SNX6: variants seen among roughly 807,000 people sequenced by gnomAD.
SNX6 encodes the protein sorting nexin-6.
In SNX6, 34 loss-of-function variants were observed where a neutral mutation model predicts 63.0. The observed-to-expected ratio is 0.54, with a 90% confidence interval of 0.41 to 0.72. The LOEUF is 0.72. SNX6 is among the 30% of genes least tolerant of loss of function. The pLI is 0.00. For missense variants in SNX6, 398 were observed against 471.4 expected (o/e 0.84, Z 1.44); for synonymous variants, 170 against 164.2 (o/e 1.04, Z -0.27).
At chr14:34,581,139 C>T (rs547321162) in intron 10 of SNX6, among the ~76,000 whole-genome samples, 1 of 152,094 alleles carries the variant, frequency 6.6e-6, no homozygotes, top group African/African-American at 2.4e-5. Context: ...AATCGCCAAA[C>T]GGTTAACAGT....
At chr14:34,602,602 A>G (rs1341769147) in intron 6 of SNX6, among the ~76,000 whole-genome samples, 3 of 151,550 alleles carry the variant, frequency 2.0e-5, no homozygotes, top group African/African-American at 7.3e-5. Flanking sequence ...AAAAAAAAAA[A>G]AAAAAGAAAA....
At chr14:34,594,027 CAT>C (rs1882506413) in intron 7 of SNX6, among the ~76,000 whole-genome samples, 1 of 152,092 alleles carries the variant, frequency 6.6e-6, no homozygotes, top group Non-Finnish European at 1.5e-5. Flanking sequence ...CTTGGCCTCA[CAT>C]ATTGTACTCT....
intron 6 of SNX6, among the ~76,000 whole-genome samples, chr14:34,598,752 C>T (rs1594727696): frequency 6.6e-6 from 1 of 152,144 alleles, no homozygotes; most frequent in South Asian, 2.1e-4. Context: ...GGCACAGTGG[C>T]TCCTGCTTGG....
At chr14:34,577,602 C>T (rs1027242604) in intron 10 of SNX6, among the ~76,000 whole-genome samples, 1 of 151,996 alleles carries the variant, frequency 6.6e-6, no homozygotes, top group African/African-American at 2.4e-5. Context: ...CCAGGTCAGA[C>T]TAAAAAGATA....
chr14:34,586,476 G>C (rs1284265469), intron 8 of SNX6, among the ~76,000 whole-genome samples, 171 bp from the exon 9 acceptor site: 2 of 152,130 alleles, frequency 1.3e-5, no homozygotes, highest in East Asian at 3.9e-4. Context: ...GGAGGCTGGG[G>C]CAGGCAGATC....
chr14:34,577,161 C>A (rs1439004415), intron 10 of SNX6, among the ~76,000 whole-genome samples: 2 of 152,112 alleles, frequency 1.3e-5, no homozygotes, highest in Non-Finnish European at 2.9e-5. Context: ...CAGCTCCCTA[C>A]AACCTCGGCC....
rs543768137 is a variant in SNX6, at chr14:34,568,119, T to C, written c.922-106A>G. On this transcript the variant is annotated intron_variant, in intron 11 of 13. Coordinates refer to ENST00000362031, the MANE Select transcript of SNX6 (RefSeq NM_152233.4). Reference sequence around the variant, plus strand: ...CACAACCATCAGAGCTAACACATAGTGAATACTACATGCCAGTTACTCCAA... The same window carrying C: ...CACAACCATCAGAGCTAACACATAGCGAATACTACATGCCAGTTACTCCAA... 3.6e-4 allele frequency: 331 copies of C among 909,304 alleles called. 3 individuals carry two copies. In the African/African-American group the frequency reaches 4.8e-3, roughly 13 times the overall value. The allele number at this position is 909,304 out of a possible 1,614,324, so 56.3% of individuals were successfully genotyped here. A position where few individuals can be genotyped will look rare whatever the true frequency, so the allele number is the denominator to read the frequency against.
intron 8 of SNX6, among the ~76,000 whole-genome samples, chr14:34,591,282 T>C (rs1241891273): frequency 6.6e-6 from 1 of 152,070 alleles, no homozygotes; most frequent in Non-Finnish European, 1.5e-5. Flanking sequence ...TTCTTTTACA[T>C]ATATGATTTT....
chr14:34,582,292 TG>T (rs1881973211), intron 9 of SNX6, among the ~76,000 whole-genome samples: 1 of 151,774 alleles, frequency 6.6e-6, no homozygotes, highest in South Asian at 2.1e-4. Flanking sequence ...CCCCCATGCC[TG>T]GCTAACTTTT....
intron 2 of SNX6, among the ~76,000 whole-genome samples, chr14:34,618,617 T>C (rs1193547634): frequency 6.6e-6 from 1 of 152,198 alleles, no homozygotes; most frequent in Non-Finnish European, 1.5e-5. Flanking sequence ...TCTCAAGTGC[T>C]GGGATTACAG....
In SNX6 at chr14:34,591,283, A is replaced by G. The variant is rs1335933167; in HGVS notation, c.718+1762T>C. ...TGCACTTTGAGTGGTTCTTTTACATATATGATTTTGTAGCATTATGCACTT... is the reference window on the plus strand; with the variant it reads ...TGCACTTTGAGTGGTTCTTTTACATGTATGATTTTGTAGCATTATGCACTT... On this transcript the variant is annotated intron_variant, in intron 8 of 13. Transcript: ENST00000362031. Among the ~76,000 whole-genome samples the G allele has an allele frequency of 5.9e-5, 9 of 152,214 alleles. No individual in the cohort carries two copies. The East Asian group carries it at 9.6e-4, about 16-fold the overall frequency.
chr14:34,568,793 T>C, intron 11 of SNX6: 1 of 977,956 alleles, frequency 1.0e-6, no homozygotes, highest in South Asian at 1.3e-5. Flanking sequence ...TTTTCCACCA[T>C]TTTTAGCCCC....
intron 11 of SNX6, 40 bp from the exon 12 acceptor site, chr14:34,568,053 T>C (rs371653687): frequency 1.3e-6 from 2 of 1,568,202 alleles, no homozygotes; most frequent in South Asian, 1.1e-5. Flanking sequence ...ATATACTGCA[T>C]GTTTCCAGTA....
intron 6 of SNX6, 77 bp downstream of exon 6, chr14:34,603,271 G>A (rs1882894274): frequency 5.0e-6 from 7 of 1,400,834 alleles, no homozygotes; most frequent in Non-Finnish European, 6.7e-6. Context: ...GGAAGACAGA[G>A]CGAGATTCCG....
intron 13 of SNX6, among the ~76,000 whole-genome samples, chr14:34,564,800 C>T (rs1000986125): frequency 6.7e-6 from 1 of 148,942 alleles, no homozygotes; most frequent in Non-Finnish European, 1.5e-5. Context: ...GCACTCCAGC[C>T]TGGGGCAAAA....
chr14:34,608,821 G>T (rs1363036381), intron 3 of SNX6, among the ~76,000 whole-genome samples: 1 of 151,984 alleles, frequency 6.6e-6, no homozygotes, highest in Non-Finnish European at 1.5e-5. Flanking sequence ...TTGAGGTCAG[G>T]AGTTCGAGAC....
chr14:34,608,456 T>C (rs1883103765), intron 3 of SNX6, among the ~76,000 whole-genome samples: 1 of 152,184 alleles, frequency 6.6e-6, no homozygotes, highest in Non-Finnish European at 1.5e-5. Context: ...AGCCACTGTG[T>C]CTGGCCTTAA....
intron 2 of SNX6, 139 bp downstream of exon 2, chr14:34,629,768 G>T: frequency 7.5e-7 from 1 of 1,338,602 alleles, no homozygotes; most frequent in East Asian, 2.5e-5. Context: ...GTGGGGCGCG[G>T]TGCAGCGAGG....
Position 34,562,637 on chromosome 14 carries a change from TAA to T in SNX6, c.*483_*484del, listed in dbSNP as rs1321881429. On this transcript the variant is annotated 3_prime_UTR_variant, in exon 14 of 14. Transcript: ENST00000362031. Reference sequence around the variant, plus strand: ...CTAAGAAATATTCAGTAATTAAAAATAAGTCTGATTAAGATGCTTTACCAGGA... The same window carrying T: ...CTAAGAAATATTCAGTAATTAAAAATGTCTGATTAAGATGCTTTACCAGGA... The T allele has an allele frequency of 2.0e-5, 3 of 152,908 alleles. No individual in the cohort carries two copies. The highest frequency in any genetic ancestry group is 1.9e-4 in the East Asian group (1 of 5,208). 9.5% of individuals were successfully genotyped at this position (152,908 alleles called of 1,614,324 possible). A position where few individuals can be genotyped will look rare whatever the true frequency, so the allele number is the denominator to read the frequency against.
Sources: allele counts gnomAD v4.1 joint callset (sites outside exome capture counted in the v4.1 genomes callset), GRCh38; gene constraint gnomAD v4.1.1; transcripts MANE v1.5; gene names NCBI Gene and HGNC (gene_info 2026-07-23, HGNC 2026-07-21).